Variants in NCALD observed in about 807,000 individuals in gnomAD.
NCALD encodes neurocalcin delta.
A neutral mutation model predicts 18.6 loss-of-function variants in NCALD; 10 were observed. The observed-to-expected ratio is 0.54, with a 90% CI of 0.33 to 0.91. NCALD has a LOEUF of 0.91. Ranked by LOEUF, NCALD falls within the 40% of genes least tolerant of loss-of-function variation. NCALD has a pLI of 0.03. For synonymous variants in NCALD, 88 were observed against 87.4 expected (o/e 1.01, Z -0.04); for missense variants, 184 against 247.6 (o/e 0.74, Z 1.72).
chr8:101,790,605 G>A (rs959040189), intron 1 of NCALD, among the ~76,000 whole-genome samples: 14 of 152,300 alleles, frequency 9.2e-5, no homozygotes, highest in African/African-American at 3.4e-4. Flanking sequence ...AAATCCGTAT[G>A]TCTAAATAAT....
chr8:102,056,761 AC>A (rs1014828749), intron 1 of NCALD, among the ~76,000 whole-genome samples: 22 of 152,350 alleles, frequency 1.4e-4, no homozygotes, highest in Admixed American at 1.2e-3. Flanking sequence ...CCGTACACCT[AC>A]TGTGTCCAGG....
At chr8:101,902,455 G>A (rs1029109940) in intron 3 of NCALD, among the ~76,000 whole-genome samples, 5 of 152,214 alleles carry the variant, frequency 3.3e-5, no homozygotes, top group Admixed American at 2.6e-4. Flanking sequence ...GCAGGCTGAT[G>A]TGACTCATAT....
intron 4 of NCALD, among the ~76,000 whole-genome samples, chr8:101,796,697 A>G (rs185291271): frequency 2.0e-5 from 3 of 152,340 alleles, no homozygotes; most frequent in Admixed American, 1.3e-4. Context: ...ATGAAAGGCT[A>G]ATGTGAATTT....
intron 3 of NCALD, among the ~76,000 whole-genome samples, chr8:101,905,793 G>A (rs1817592836): frequency 1.3e-5 from 2 of 152,128 alleles, no homozygotes; most frequent in South Asian, 2.1e-4. Context: ...TCTCCTCTAT[G>A]CACCCCAAAT....
intron 4 of NCALD, among the ~76,000 whole-genome samples, chr8:101,828,839 G>T (rs1345269453): frequency 6.8e-6 from 1 of 146,798 alleles, no homozygotes; most frequent in Non-Finnish European, 1.5e-5. Context: ...TTTTTCGACG[G>T]TTTTGTTTAC....
chr8:101,698,379 A>G (rs543200258), intron 2 of NCALD, among the ~76,000 whole-genome samples: 1 of 152,384 alleles, frequency 6.6e-6, no homozygotes, highest in South Asian at 2.1e-4. Context: ...TAAAGATTCA[A>G]TGTTATTCCC....
chr8:101,900,734 A>T (rs1657830714), intron 3 of NCALD, among the ~76,000 whole-genome samples: 1 of 151,934 alleles, frequency 6.6e-6, no homozygotes, highest in African/African-American at 2.4e-5. Context: ...TATAATTTCA[A>T]TTCTTTTAAA....
intron 1 of NCALD, among the ~76,000 whole-genome samples, chr8:101,752,970 T>TTTTTTTTTTTTTTTTTTTTTTTTTTTG (rs1810721488): frequency 1.3e-5 from 2 of 152,144 alleles, no homozygotes; most frequent in African/African-American, 4.8e-5. Context: ...ATTTTATTCT[T>TTTTTTTTTTTTTTTTTTTTTTTTTTTG]ACAAGCCATC....
chr8:102,064,365 G>T (rs888908663), intron 1 of NCALD, among the ~76,000 whole-genome samples: 9 of 152,182 alleles, frequency 5.9e-5, no homozygotes, highest in African/African-American at 2.2e-4. Context: ...TCAGGTACAT[G>T]CTCCTTTAAC....
chr8:102,015,935 T>C (rs1392372558), intron 2 of NCALD, among the ~76,000 whole-genome samples: 1 of 152,144 alleles, frequency 6.6e-6, no homozygotes, highest in Admixed American at 6.5e-5. Flanking sequence ...TGAACACTCA[T>C]TAAAAAGAAG....
intron 1 of NCALD, among the ~76,000 whole-genome samples, chr8:101,734,904 G>T (rs942622058): frequency 6.6e-6 from 1 of 152,204 alleles, no homozygotes; most frequent in Admixed American, 6.5e-5. Context: ...TCTGCATTGT[G>T]AGTTTGCTCT....
intron 2 of NCALD, among the ~76,000 whole-genome samples, chr8:101,954,047 G>A (rs1332308719): frequency 6.6e-6 from 1 of 152,208 alleles, no homozygotes; most frequent in African/African-American, 2.4e-5. Flanking sequence ...CACAGTCCTG[G>A]CCTTCTAAGG....
chr8:101,760,345 C>A (rs1811061061), intron 1 of NCALD, among the ~76,000 whole-genome samples: 1 of 152,160 alleles, frequency 6.6e-6, no homozygotes, highest in African/African-American at 2.4e-5. Context: ...AGCTGGGGGC[C>A]CTCCACTGAG....
intron 2 of NCALD, among the ~76,000 whole-genome samples, chr8:102,020,020 T>C (rs897379798): frequency 2.0e-5 from 3 of 152,204 alleles, no homozygotes; most frequent in Non-Finnish European, 2.9e-5. Flanking sequence ...TCTCTCCTTT[T>C]CATTTTGTAT....
intron 2 of NCALD, among the ~76,000 whole-genome samples, chr8:102,002,392 C>T (rs577762043): frequency 6.6e-6 from 1 of 152,196 alleles, no homozygotes; most frequent in East Asian, 1.9e-4. Flanking sequence ...TCTTAGAGAC[C>T]TAGAAAGAGA....
intron 1 of NCALD, among the ~76,000 whole-genome samples, chr8:101,733,868 G>A (rs1816955274): frequency 6.6e-6 from 1 of 152,208 alleles, no homozygotes; most frequent in Admixed American, 6.5e-5. Context: ...ATTCTAACCT[G>A]AAATTAAGCA....
At chr8:102,013,028 T>C (rs1234666102) in intron 2 of NCALD, among the ~76,000 whole-genome samples, 5 of 152,054 alleles carry the variant, frequency 3.3e-5, no homozygotes, top group African/African-American at 9.7e-5. Flanking sequence ...CACACATACA[T>C]ACATAAGTAT....
At chr8:101,801,664 T>C (rs1309658661) in intron 4 of NCALD, among the ~76,000 whole-genome samples, 1 of 97,264 alleles carries the variant, frequency 1.0e-5, no homozygotes, top group African/African-American at 5.4e-5. Flanking sequence ...TTTTTTTTTT[T>C]TTTTTTTTTT....
At chr8:101,998,781 G>C (rs771924826) in intron 2 of NCALD, among the ~76,000 whole-genome samples, 1 of 151,976 alleles carries the variant, frequency 6.6e-6, no homozygotes, top group Non-Finnish European at 1.5e-5. Flanking sequence ...TCAAACCCTC[G>C]GAGGCAGATT....
Sources: allele counts gnomAD v4.1 joint callset (sites outside exome capture counted in the v4.1 genomes callset), GRCh38; gene constraint gnomAD v4.1.1; transcripts MANE v1.5; gene names NCBI Gene and HGNC (gene_info 2026-07-23, HGNC 2026-07-21).